Variants in AHCY observed in about 807,000 individuals in gnomAD.
AHCY encodes the protein adenosylhomocysteinase.
A neutral mutation model predicts 45.4 loss-of-function variants in AHCY; 24 were observed. The ratio of observed to expected loss-of-function variants is 0.53; its 90% CI spans 0.38 to 0.74. AHCY has a LOEUF of 0.74. AHCY is among the 30% of genes least tolerant of loss of function. The pLI, the probability that AHCY is intolerant of heterozygous loss-of-function variation, is 0.00. For missense variants in AHCY, 449 were observed against 594.1 expected, an observed-to-expected ratio of 0.76 and a Z score of 2.54; for synonymous variants, 245 against 235.1, an observed-to-expected ratio of 1.04 and a Z score of -0.39.
chr20:34,252,963 T>C, the AHCY span, among the ~76,000 whole-genome samples: 65 of 152,340 alleles, frequency 4.3e-4, no homozygotes, highest in South Asian at 0.013. Flanking sequence ...ACAGCACATG[T>C]TTCTGTGAGC....
rs982258877 is a variant in AHCY, at chr20:34,290,184, G to A, written c.972+148C>T. On this transcript the variant is annotated intron_variant, in intron 8 of 9. Transcript: ENST00000217426. The surrounding 1 kb of genome is among the most constrained non-coding windows in gnomAD (Gnocchi z 4.5). ...TGCCGGCTGCCCACAGGATAAGGTT[G>A]CCACGTCTGGCTGGCTCTGATGCTA... 4 of 811,080 alleles carry A rather than the reference G, an allele frequency of 4.9e-6. No homozygotes were observed. The highest frequency in any genetic ancestry group is 8.6e-6 in the Non-Finnish European group (4 of 466,342). The allele number at this position is 811,080 out of a possible 1,614,324, so 50.2% of individuals were successfully genotyped here.
At chr20:34,247,288 C>A in the AHCY span, among the ~76,000 whole-genome samples, 1 of 146,142 alleles carries the variant, frequency 6.8e-6, no homozygotes, top group Non-Finnish European at 1.5e-5. Context: ...ATGATTATTA[C>A]ATTATATGAT....
chr20:34,303,472 G>T, upstream of AHCY: 1 of 754,440 alleles, frequency 1.3e-6, no homozygotes, highest in South Asian at 1.8e-5. Flanking sequence ...TCCCTGAAAA[G>T]AAGCCTCAGA....
rs756971171 is a variant in AHCY, at chr20:34,303,322, G to C, written c.-52C>G. Reference sequence around the variant, plus strand: ...GCGAAGGGGGCTGGGCCTCAGTCTGGGAACAGGAACTGGGCGGGCAGCGCC... The same window carrying C: ...GCGAAGGGGGCTGGGCCTCAGTCTGCGAACAGGAACTGGGCGGGCAGCGCC... On this transcript the variant is annotated 5_prime_UTR_variant, in exon 1 of 10. Transcript: ENST00000217426. 9 of 1,551,316 alleles carry C rather than the reference G, an allele frequency of 5.8e-6. No individual in the cohort carries two copies. In the Admixed American group the frequency reaches 5.9e-5, roughly 10 times the overall value.
chr20:34,232,168 A>G, the AHCY span, among the ~76,000 whole-genome samples: 1 of 152,236 alleles, frequency 6.6e-6, no homozygotes, highest in Non-Finnish European at 1.5e-5. Context: ...AGAAAGCAGT[A>G]AGTGAGCTTG....
chr20:34,298,978 T>G (rs1601680446), intron 1 of AHCY, among the ~76,000 whole-genome samples: 2 of 152,060 alleles, frequency 1.3e-5, no homozygotes, highest in East Asian at 3.9e-4. Context: ...TCCTTGGAGG[T>G]GACTCACATT....
upstream of AHCY, among the ~76,000 whole-genome samples, chr20:34,305,745 A>G (rs2036889014): frequency 6.6e-6 from 1 of 152,130 alleles, no homozygotes; most frequent in Non-Finnish European, 1.5e-5. Context: ...TGTTGTAAGG[A>G]ATGTAATAAA....
chr20:34,280,087 G>T (rs1406835449), downstream of AHCY, among the ~76,000 whole-genome samples: 1 of 151,914 alleles, frequency 6.6e-6, no homozygotes, highest in Non-Finnish European at 1.5e-5. Flanking sequence ...GCGAGACTCT[G>T]TCTCAAAAAA....
the AHCY span, among the ~76,000 whole-genome samples, chr20:34,237,753 T>C: frequency 6.6e-6 from 1 of 152,224 alleles, no homozygotes; most frequent in Non-Finnish European, 1.5e-5. Context: ...AATCTTTCAT[T>C]CTTTCATCAT....
chr20:34,261,718 C>T, the AHCY span, among the ~76,000 whole-genome samples: 1 of 152,148 alleles, frequency 6.6e-6, no homozygotes, highest in African/African-American at 2.4e-5. Flanking sequence ...AGGAGGATTG[C>T]TTGAGCCCAG....
chr20:34,307,760 G>A (rs542594597), upstream of AHCY, among the ~76,000 whole-genome samples: 1 of 152,194 alleles, frequency 6.6e-6, no homozygotes, highest in Non-Finnish European at 1.5e-5. Flanking sequence ...TTGTTGGTGA[G>A]TGTATGGCAA....
the AHCY span, among the ~76,000 whole-genome samples, chr20:34,235,828 A>AGAAAGAAG: frequency 3.0e-5 from 2 of 67,156 alleles, no homozygotes; most frequent in Non-Finnish European, 4.8e-5. Flanking sequence ...AAAGAAAGAA[A>AGAAAGAAG]GAAAGAAAGA....
the AHCY span, among the ~76,000 whole-genome samples, chr20:34,232,993 C>A: frequency 6.6e-6 from 1 of 152,104 alleles, no homozygotes; most frequent in African/African-American, 2.4e-5. Context: ...ACGTGTTCTC[C>A]CTCCAGGTAC....
At chr20:34,309,795 GAATT>G (rs1176718773) in intron 1 of AHCY, among the ~76,000 whole-genome samples, 1 of 148,964 alleles carries the variant, frequency 6.7e-6, no homozygotes, top group Non-Finnish European at 1.5e-5. Flanking sequence ...ATAAATAAGT[GAATT>G]AATTAATTAA....
the AHCY span, among the ~76,000 whole-genome samples, chr20:34,274,084 T>C: frequency 6.6e-6 from 1 of 152,138 alleles, no homozygotes; most frequent in Non-Finnish European, 1.5e-5. Context: ...TTTCCAGAGC[T>C]CCTCTTTAGA....
chr20:34,237,264 CA>C, the AHCY span, among the ~76,000 whole-genome samples: 40,921 of 150,894 alleles, frequency 0.27, 9,663 homozygotes, highest in African/African-American at 0.64. Flanking sequence ...CTATTTCTGC[CA>C]AAAAAAACCT....
chr20:34,256,041 A>C, the AHCY span, among the ~76,000 whole-genome samples: 1 of 152,246 alleles, frequency 6.6e-6, no homozygotes, highest in Non-Finnish European at 1.5e-5. Context: ...GTCCGCTTTC[A>C]TGTTCCACCC....
chr20:34,247,147 T>G, the AHCY span, among the ~76,000 whole-genome samples: 1 of 151,972 alleles, frequency 6.6e-6, no homozygotes, highest in South Asian at 2.1e-4. Flanking sequence ...CATGAGCCAA[T>G]GTAGCCCGTT....
At position 34,280,861 on chromosome 20, in the gene AHCY, A is replaced by G. The variant is rs951637646; in HGVS notation, c.*173T>C. The G allele has an allele frequency of 1.0e-6, 1 of 1,001,554 alleles. No homozygotes were observed. The highest frequency in any genetic ancestry group is 1.6e-5 in the African/African-American group (1 of 62,286). The allele number at this position is 1,001,554 out of a possible 1,614,324, so 62.0% of individuals were successfully genotyped here. A position where few individuals can be genotyped will look rare whatever the true frequency, so the allele number is the denominator to read the frequency against. On this transcript the variant is annotated 3_prime_UTR_variant, in exon 10 of 10. Coordinates refer to ENST00000217426, the MANE Select transcript of AHCY (RefSeq NM_000687.4). ...GAGGGTACTCTGTTCCCGCTGCCAC[A>G]TTTGGAACAGTATGACGGCTGCAGC...
Sources: gnomAD v4.1 joint callset for allele counts (sites outside exome capture counted in the v4.1 genomes callset) on GRCh38, gnomAD v4.1.1 for gene constraint, Gnocchi (gnomAD v3.1) non-coding constraint, MANE v1.5 for transcripts, NCBI Gene and HGNC (gene_info 2026-07-23, HGNC 2026-07-21) for gene names.